The following CFAP54 variants were observed in gnomAD, a reference collection of about 807,000 sequenced individuals.
CFAP54 encodes cilia- and flagella-associated protein 54.
CFAP54 carries 290 observed loss-of-function variants against 370.4 expected under a neutral mutation model. The ratio of observed to expected loss-of-function variants is 0.78; its 90% CI spans 0.71 to 0.86. The LOEUF (loss-of-function observed/expected upper bound fraction) is 0.86. CFAP54 is among the 40% of genes least tolerant of loss of function. The probability of loss-of-function intolerance (pLI) is 0.00; values close to 1 mark genes in which losing one functional copy is unlikely to be tolerated. For missense variants in CFAP54, 3,399 were observed against 3,528.7 expected (o/e 0.96, Z 0.93); for synonymous variants, 1,206 against 1,236.5 (o/e 0.98, Z 0.52).
At position 96,649,916 on chromosome 12, in the gene CFAP54, T is replaced by G. The variant is rs1956838528; in HGVS notation, c.4716T>G (p.Ile1572Met). 1 of 1,600,606 alleles carries G rather than the reference T, an allele frequency of 6.2e-7. No homozygotes were observed. The highest frequency in any genetic ancestry group is 1.7e-5 in the Admixed American group (1 of 57,582). Residue 1572 changes from isoleucine to methionine, a missense_variant, in exon 35 of 68, where the codon ATT becomes ATG. Ile to Met is a conservative substitution (Grantham distance 10). Transcript: ENST00000524981. The part of the protein sequence containing the change: ...PSDAEEFSTF[I>M]NSIMSDENMS... ...ATGCTGAAGAATTTTCTACATTTAT[T>G]AATTCCATAATGAGTGATGAAAATA...
intron 50 of CFAP54, among the ~76,000 whole-genome samples, chr12:96,734,876 A>G (rs185081204): frequency 9.8e-5 from 15 of 152,330 alleles, no homozygotes; most frequent in Admixed American, 2.0e-4. Context: ...CATACATAGA[A>G]AAACAAGATT....
At chr12:96,867,730 G>A (rs1012113020) in intron 67 of CFAP54, among the ~76,000 whole-genome samples, 43 of 152,306 alleles carry the variant, frequency 2.8e-4, no homozygotes, top group African/African-American at 9.9e-4. Flanking sequence ...GAAGCAGAGA[G>A]TAGTTACCAG....
intron 1 of CFAP54, among the ~76,000 whole-genome samples, chr12:96,495,423 C>G (rs2136343128): frequency 6.6e-6 from 1 of 151,790 alleles, no homozygotes; most frequent in East Asian, 1.9e-4. Context: ...TCAGACAATT[C>G]ACGTGCCTCA....
intron 50 of CFAP54, among the ~76,000 whole-genome samples, chr12:96,725,805 T>C (rs1349243089): frequency 1.3e-5 from 2 of 152,118 alleles, no homozygotes; most frequent in African/African-American, 2.4e-5. Context: ...TGATATTGGC[T>C]GTGGGTTTGT....
chr12:96,625,859 A>G, intron 29 of CFAP54, 52 bp downstream of exon 29: 1 of 1,306,290 alleles, frequency 7.7e-7, no homozygotes, highest in Non-Finnish European at 1.1e-6. Flanking sequence ...CACTGAAGAG[A>G]ATTAATTCTG....
At chr12:96,529,948 T>C (rs1955423358) in intron 9 of CFAP54, among the ~76,000 whole-genome samples, 1 of 152,168 alleles carries the variant, frequency 6.6e-6, no homozygotes, top group Admixed American at 6.6e-5. Flanking sequence ...TTCCATAAGT[T>C]TTATTGTTTC....
At chr12:96,505,666 C>G (rs1022351074) in intron 3 of CFAP54, among the ~76,000 whole-genome samples, 1 of 151,954 alleles carries the variant, frequency 6.6e-6, no homozygotes, top group Non-Finnish European at 1.5e-5. Context: ...TCATGCCTGG[C>G]TAATTTTTGT....
chr12:96,707,419 G>A (rs936381831), intron 47 of CFAP54, among the ~76,000 whole-genome samples: 4 of 152,146 alleles, frequency 2.6e-5, no homozygotes, highest in Non-Finnish European at 5.9e-5. Context: ...CCAAGTGTAG[G>A]CCATCAGTGG....
At chr12:96,494,235 G>A (rs1229226496) in intron 1 of CFAP54, among the ~76,000 whole-genome samples, 1 of 152,030 alleles carries the variant, frequency 6.6e-6, no homozygotes, top group Non-Finnish European at 1.5e-5. Context: ...ACTTTGGAAG[G>A]TTTTAGAGGC....
At chr12:96,635,139 C>A (rs532790551) in intron 32 of CFAP54, among the ~76,000 whole-genome samples, 1 of 152,128 alleles carries the variant, frequency 6.6e-6, no homozygotes, top group South Asian at 2.1e-4. Context: ...ATTTCTTGTA[C>A]CATTTCATAT....
chr12:96,532,061 TG>T (rs1437595273), intron 9 of CFAP54, among the ~76,000 whole-genome samples: 2 of 152,216 alleles, frequency 1.3e-5, no homozygotes, highest in South Asian at 2.1e-4. Context: ...TGAATCCACT[TG>T]GTTCTTTTTT....
intron 19 of CFAP54, chr12:96,572,958 T>C (rs994345151): frequency 3.0e-6 from 3 of 985,266 alleles, no homozygotes; most frequent in Non-Finnish European, 3.6e-6. Flanking sequence ...AAGGTGCTAG[T>C]GTTCAATTGG....
chr12:96,805,572 C>CAA (rs35711439), intron 63 of CFAP54, among the ~76,000 whole-genome samples: 3,112 of 138,902 alleles, frequency 0.022, 106 homozygotes, highest in African/African-American at 0.072. Context: ...ATTAAAAAGT[C>CAA]AAAAAAAAAA....
chr12:96,554,122 A>C, intron 15 of CFAP54, 60 bp from the exon 16 acceptor site: 2 of 1,082,828 alleles, frequency 1.8e-6, no homozygotes. Context: ...AAAAATTGGA[A>C]GTGTTGCATT....
intron 66 of CFAP54, among the ~76,000 whole-genome samples, chr12:96,847,398 G>A (rs1959390999): frequency 6.6e-6 from 1 of 152,012 alleles, no homozygotes; most frequent in Non-Finnish European, 1.5e-5. Context: ...CCATCCTTAT[G>A]CGTTTTTATG....
chr12:96,623,192 T>TA (rs1325051971), intron 27 of CFAP54, among the ~76,000 whole-genome samples: 1 of 19,856 alleles, frequency 5.0e-5, no homozygotes, highest in African/African-American at 1.6e-4. Context: ...GGCTTGGAAG[T>TA]TTTTTTTTTT....
At chr12:96,649,287 T>C (rs1472255016) in intron 34 of CFAP54, among the ~76,000 whole-genome samples, 1 of 152,208 alleles carries the variant, frequency 6.6e-6, no homozygotes, top group African/African-American at 2.4e-5. Flanking sequence ...GTCTGGTTTT[T>C]GAATATAGAT....
intron 39 of CFAP54, among the ~76,000 whole-genome samples, chr12:96,676,701 A>G (rs1957213116): frequency 6.6e-6 from 1 of 151,926 alleles, no homozygotes; most frequent in Non-Finnish European, 1.5e-5. Flanking sequence ...GCCTGCCACA[A>G]GACCTGGCTA....
At chr12:96,859,966 T>C (rs1959828048) in intron 66 of CFAP54, among the ~76,000 whole-genome samples, 1 of 152,146 alleles carries the variant, frequency 6.6e-6, no homozygotes, top group African/African-American at 2.4e-5. Flanking sequence ...TAGAAAACAC[T>C]GGAATACTTT....
Sources: allele counts gnomAD v4.1 joint callset (sites outside exome capture counted in the v4.1 genomes callset), GRCh38; gene constraint gnomAD v4.1.1; transcripts MANE v1.5; gene names NCBI Gene and HGNC (gene_info 2026-07-23, HGNC 2026-07-21).